ARMH4: variants seen among roughly 807,000 people sequenced by gnomAD.
ARMH4 encodes the protein armadillo-like helical domain-containing protein 4.
ARMH4 carries 49 observed loss-of-function variants against 61.9 expected under a neutral mutation model. The observed-to-expected ratio is 0.79, with a 90% CI of 0.63 to 1.00. The LOEUF is 1.00. Among genes scored for constraint, ARMH4 ranks in the 50% least tolerant of loss-of-function variants. ARMH4 has a pLI of 0.00. For synonymous variants in ARMH4, 368 were observed against 341.5 expected, an observed-to-expected ratio of 1.08 and a Z score of -0.85; for missense variants, 934 against 930.0, an observed-to-expected ratio of 1.00 and a Z score of -0.06.
intron 4 of ARMH4, among the ~76,000 whole-genome samples, chr14:58,103,820 G>C (rs1886081209): frequency 6.6e-6 from 1 of 152,038 alleles, no homozygotes; most frequent in Admixed American, 6.6e-5. Context: ...AAACCTAAGA[G>C]GTTTGCACTG....
chr14:58,144,889 AT>A (rs1242177864), intron 1 of ARMH4, among the ~76,000 whole-genome samples: 6 of 152,134 alleles, frequency 3.9e-5, no homozygotes, highest in Admixed American at 2.6e-4. Flanking sequence ...AACAAAAAAA[AT>A]ATGATAGCTG....
At chr14:58,084,078 G>A (rs541934079) in intron 5 of ARMH4, among the ~76,000 whole-genome samples, 2 of 152,218 alleles carry the variant, frequency 1.3e-5, no homozygotes, top group African/African-American at 4.8e-5. Context: ...GGGGGATTAA[G>A]AGAAGAGTGA....
intron 5 of ARMH4, among the ~76,000 whole-genome samples, chr14:58,058,012 G>A (rs1884405603): frequency 6.6e-6 from 1 of 152,192 alleles, no homozygotes; most frequent in Admixed American, 6.5e-5. Flanking sequence ...GCTTCAGCAT[G>A]TCATAGGTTG....
chr14:58,149,242 C>T (rs568350800), intron 1 of ARMH4, among the ~76,000 whole-genome samples: 94 of 152,286 alleles, frequency 6.2e-4, no homozygotes, highest in Non-Finnish European at 8.4e-4. Context: ...TAAGGTACCA[C>T]GTTTCTGATT....
intron 5 of ARMH4, among the ~76,000 whole-genome samples, chr14:58,043,665 G>A (rs1220602076): frequency 2.0e-5 from 3 of 152,202 alleles, no homozygotes; most frequent in Non-Finnish European, 4.4e-5. Flanking sequence ...AAGTCCAATT[G>A]TCCCTGTTTG....
chr14:58,041,281 A>C (rs1883692713), intron 5 of ARMH4, among the ~76,000 whole-genome samples: 1 of 152,176 alleles, frequency 6.6e-6, no homozygotes, highest in African/African-American at 2.4e-5. Flanking sequence ...GCACTTTTCC[A>C]ACGGTCTTAG....
At chr14:58,146,609 T>A (rs1887737630) in intron 1 of ARMH4, among the ~76,000 whole-genome samples, 2 of 152,362 alleles carry the variant, frequency 1.3e-5, no homozygotes, top group South Asian at 4.1e-4. Flanking sequence ...GCATTATCTT[T>A]GACAATCTTA....
chr14:58,043,743 C>T (rs1436502086), intron 5 of ARMH4, among the ~76,000 whole-genome samples: 2 of 152,142 alleles, frequency 1.3e-5, no homozygotes, highest in African/African-American at 2.4e-5. Context: ...AGCTGATAGG[C>T]AACTTCAGCA....
Position 58,011,993 on chromosome 14 carries a change from C to T in ARMH4, c.2121+126G>A, listed in dbSNP as rs77195206. The T allele has an allele frequency of 6.6e-4, 458 of 697,238 alleles. 3 individuals are homozygous for T. The East Asian group carries it at 9.6e-3, about 15-fold the overall frequency. 43.2% of individuals were successfully genotyped at this position (697,238 alleles called of 1,614,324 possible). A position where few individuals can be genotyped will look rare whatever the true frequency, so the allele number is the denominator to read the frequency against. On this transcript the variant is annotated intron_variant, in intron 6 of 7. Transcript: ENST00000267485. Reference sequence around the variant, plus strand: ...TTTTTTGCAGGTACTGCAAGTTGCCCTGAATCTTTAGATAGATTACCAGAA... The same window carrying T: ...TTTTTTGCAGGTACTGCAAGTTGCCTTGAATCTTTAGATAGATTACCAGAA...
intron 5 of ARMH4, among the ~76,000 whole-genome samples, chr14:58,026,809 C>A (rs917359792): frequency 6.6e-6 from 1 of 152,104 alleles, no homozygotes; most frequent in African/African-American, 2.4e-5. Context: ...AATTTGGGGG[C>A]TTCCACTGAT....
intron 1 of ARMH4, among the ~76,000 whole-genome samples, chr14:58,146,329 T>C (rs964753621): frequency 6.6e-6 from 1 of 152,248 alleles, no homozygotes; most frequent in African/African-American, 2.4e-5. Flanking sequence ...AACATTCCTC[T>C]TCCTTTTCCC....
At chr14:58,107,145 T>G (rs1886189384) in intron 4 of ARMH4, among the ~76,000 whole-genome samples, 1 of 152,206 alleles carries the variant, frequency 6.6e-6, no homozygotes, top group African/African-American at 2.4e-5. Context: ...CTTTGACTTT[T>G]TTAGATCTCC....
intron 5 of ARMH4, among the ~76,000 whole-genome samples, chr14:58,091,461 A>G (rs1885562479): frequency 6.6e-6 from 1 of 152,136 alleles, no homozygotes; most frequent in Non-Finnish European, 1.5e-5. Flanking sequence ...TTTTGAGGGG[A>G]AAAAAATGTA....
chr14:58,129,296 T>G (rs540404979), intron 4 of ARMH4, among the ~76,000 whole-genome samples: 1 of 152,194 alleles, frequency 6.6e-6, no homozygotes, highest in Non-Finnish European at 1.5e-5. Flanking sequence ...GATTCAGAAA[T>G]TTCCATAAAG....
rs1885773053 is a variant in ARMH4, at chr14:58,096,929, CTCT to C, written c.1881_1883del (p.Glu629del). On this transcript the variant is annotated inframe_deletion, in exon 5 of 8. Transcript: ENST00000267485. Reference sequence around the variant, plus strand: ...CTTCCTCATCTTCTTCCTCATCTTCCTCTTCTTCATCTTCATCTTCTTCATCCT... The same window carrying C: ...CTTCCTCATCTTCTTCCTCATCTTCCTCTTCATCTTCATCTTCTTCATCCT... 3 of 1,613,786 alleles carry C rather than the reference CTCT, an allele frequency of 1.9e-6. No individual in the cohort carries two copies. The highest frequency in any genetic ancestry group is 1.3e-5 in the African/African-American group (1 of 74,870).
At chr14:58,011,849 T>C (rs1372065634) in intron 6 of ARMH4, among the ~76,000 whole-genome samples, 3 of 151,910 alleles carry the variant, frequency 2.0e-5, no homozygotes, top group African/African-American at 4.8e-5. Flanking sequence ...GTCAATGATA[T>C]TATTCTGTGG....
intron 4 of ARMH4, among the ~76,000 whole-genome samples, chr14:58,111,908 G>A (rs978011102): frequency 7.2e-5 from 11 of 152,064 alleles, no homozygotes; most frequent in Non-Finnish European, 2.9e-5. Flanking sequence ...GACCAGGCTG[G>A]TCTCAAACTC....
intron 5 of ARMH4, among the ~76,000 whole-genome samples, chr14:58,083,460 G>C (rs1237101603): frequency 2.0e-5 from 3 of 152,008 alleles, no homozygotes; most frequent in Non-Finnish European, 2.9e-5. Flanking sequence ...GCGTGTGCCT[G>C]TAGTCCCAGC....
chr14:58,094,882 A>G (rs757010788), intron 5 of ARMH4, among the ~76,000 whole-genome samples: 1 of 152,210 alleles, frequency 6.6e-6, no homozygotes, highest in African/African-American at 2.4e-5. Context: ...GCATGGGTGT[A>G]TACAACTCTC....
Sources: gnomAD v4.1 joint callset for allele counts (sites outside exome capture counted in the v4.1 genomes callset) on GRCh38, gnomAD v4.1.1 for gene constraint, MANE v1.5 for transcripts, NCBI Gene and HGNC (gene_info 2026-07-23, HGNC 2026-07-21) for gene names.